Variants in NPHP1 observed in about 807,000 individuals in gnomAD.
NPHP1 encodes the protein nephrocystin-1.
Under a neutral mutation model 90.4 loss-of-function variants are expected in NPHP1, and 70 were observed. That is an observed-to-expected ratio of 0.77 (90% CI 0.64 to 0.95). The LOEUF (loss-of-function observed/expected upper bound fraction) is 0.95. Ranked by LOEUF, NPHP1 falls within the 40% of genes least tolerant of loss-of-function variation. The pLI is 0.00. For missense variants in NPHP1, 764 were observed against 795.9 expected (o/e 0.96, Z 0.48); for synonymous variants, 256 against 271.7 (o/e 0.94, Z 0.57).
intron 16 of NPHP1, among the ~76,000 whole-genome samples, chr2:110,134,634 A>G (rs971574902): frequency 2.0e-5 from 3 of 152,196 alleles, no homozygotes; most frequent in South Asian, 2.1e-4. Flanking sequence ...AAGCTTGTAC[A>G]CCATGACCAA....
At chr2:110,201,549 G>C in intron 1 of NPHP1, 55 bp from the exon 2 acceptor site, 1 of 1,244,536 alleles carries the variant, frequency 8.0e-7, no homozygotes, top group Non-Finnish European at 1.2e-6. Context: ...CCTTAGGAAA[G>C]AAAACTTCTT....
intron 3 of NPHP1, among the ~76,000 whole-genome samples, chr2:110,179,332 A>G (rs1394730831): frequency 2.0e-5 from 3 of 152,188 alleles, no homozygotes; most frequent in African/African-American, 4.8e-5. Flanking sequence ...TCTAAACTGT[A>G]AAACAACTCA....
intron 2 of NPHP1, among the ~76,000 whole-genome samples, chr2:110,199,630 A>C (rs904629034): frequency 3.9e-5 from 6 of 151,918 alleles, no homozygotes; most frequent in Admixed American, 1.3e-4. Context: ...ACATCCCCCC[A>C]AAAAAACATC....
intron 13 of NPHP1, 73 bp downstream of exon 13, chr2:110,147,843 T>G (rs1681174013): frequency 3.4e-6 from 3 of 876,036 alleles, no homozygotes; most frequent in Non-Finnish European, 5.9e-6. Flanking sequence ...AGGATTTCCT[T>G]GTCAATAGAC....
chr2:110,168,611 T>C (rs1682888681), intron 5 of NPHP1, 58 bp from the exon 6 acceptor site: 2 of 1,081,038 alleles, frequency 1.9e-6, no homozygotes, highest in Non-Finnish European at 2.9e-6. Flanking sequence ...TGAGTATATG[T>C]CAATACCAAT....
Position 110,129,301 on chromosome 2 carries a change from C to T in NPHP1, c.1643-42G>A, listed in dbSNP as rs765045649. ...CAGAAAGAATTTTATGCAAACTTCA[C>T]TCAATGGATTTTATTGCAATAGACA... On this transcript the variant is annotated intron_variant, in intron 17 of 19. Coordinates refer to ENST00000445609, the MANE Select transcript of NPHP1 (RefSeq NM_001128178.3). 70 of 1,439,024 alleles carry T rather than the reference C, an allele frequency of 4.9e-5. No homozygotes were observed. The Admixed American group carries it at 9.1e-4, about 19-fold the overall frequency. The allele number at this position is 1,439,024 out of a possible 1,614,324, so 89.1% of individuals were successfully genotyped here. A position where few individuals can be genotyped will look rare whatever the true frequency, so the allele number is the denominator to read the frequency against.
At chr2:110,173,027 T>G (rs1193518644) in intron 4 of NPHP1, among the ~76,000 whole-genome samples, 6 of 151,026 alleles carry the variant, frequency 4.0e-5, no homozygotes, top group Non-Finnish European at 8.9e-5. Context: ...GGTATGATCT[T>G]GGCTCACTGC....
intron 2 of NPHP1, 52 bp downstream of exon 2, chr2:110,201,369 T>A: frequency 8.8e-7 from 1 of 1,137,248 alleles, no homozygotes; most frequent in Non-Finnish European, 1.3e-6. Context: ...ATACTATGCA[T>A]TGAAATGTAA....
rs531145609 is a variant in NPHP1 at position 110,182,948 on chromosome 2, A to G, written c.144-3264T>C. 3.7e-4 allele frequency among the ~76,000 whole-genome samples: 57 copies of G among 152,266 alleles called. 1 individual carries two copies. Among genetic ancestry groups the G allele is most frequent in the African/African-American group, 1.4e-3 (57 of 41,562 alleles). ...AGGTTCAAAATAAAGGGATGGAGGA[A>G]AATTTACCAAGCAAATGGAAAACAG... On this transcript the variant is annotated intron_variant, in intron 2 of 19. Coordinates refer to ENST00000445609, the MANE Select transcript of NPHP1 (RefSeq NM_001128178.3).
intron 11 of NPHP1, among the ~76,000 whole-genome samples, chr2:110,153,059 C>G (rs1681613617): frequency 6.6e-6 from 1 of 151,936 alleles, no homozygotes; most frequent in South Asian, 2.1e-4. Flanking sequence ...ACCTTGAAAA[C>G]AGTAAGAAAC....
At chr2:110,147,432 GC>G (rs1297083707) in intron 13 of NPHP1, among the ~76,000 whole-genome samples, 1 of 152,058 alleles carries the variant, frequency 6.6e-6, no homozygotes, top group Admixed American at 6.5e-5. Flanking sequence ...TACCTATCAA[GC>G]TATTATTAGT....
intron 1 of NPHP1, chr2:110,202,503 C>G (rs948439984): frequency 1.3e-5 from 6 of 445,366 alleles, no homozygotes; most frequent in Non-Finnish European, 1.8e-5. Context: ...GAAGAATTAG[C>G]TAATACTATC....
At chr2:110,131,148 T>C (rs183042675) in intron 17 of NPHP1, among the ~76,000 whole-genome samples, 10 of 152,312 alleles carry the variant, frequency 6.6e-5, no homozygotes, top group Non-Finnish European at 7.4e-5. Context: ...TGGTGACTCA[T>C]TGATTTTTAA....
chr2:110,130,303 C>T (rs554037107), intron 17 of NPHP1, among the ~76,000 whole-genome samples: 1 of 152,266 alleles, frequency 6.6e-6, no homozygotes, highest in Admixed American at 6.5e-5. Context: ...AAAATTCATT[C>T]TTTAGATATT....
At chr2:110,142,063 C>A (rs1559055217) in intron 16 of NPHP1, among the ~76,000 whole-genome samples, 2 of 151,934 alleles carry the variant, frequency 1.3e-5, no homozygotes, top group Middle Eastern at 3.5e-3. Context: ...AGTAATCTCA[C>A]TCCTAGGTAT....
chr2:110,168,411 A>T (rs1271406534), intron 6 of NPHP1, 41 bp downstream of exon 6: 2 of 1,299,356 alleles, frequency 1.5e-6, no homozygotes, highest in Non-Finnish European at 2.2e-6. Flanking sequence ...AAGCGAAAAA[A>T]AAAAAAGTCT....
At chr2:110,124,944 T>C in intron 19 of NPHP1, 1 of 349,340 alleles carries the variant, frequency 2.9e-6, no homozygotes, top group Non-Finnish European at 5.1e-6. Flanking sequence ...ATACTTTAGA[T>C]CAGGACTGGT....
intron 18 of NPHP1, 144 bp downstream of exon 18, chr2:110,129,042 G>C (rs1181557814): frequency 2.9e-6 from 2 of 686,312 alleles, no homozygotes; most frequent in Admixed American, 2.3e-5. Flanking sequence ...GGAAAGATGA[G>C]GACTGAGTTA....
chr2:110,185,318 G>A (rs915080707), intron 2 of NPHP1: 1 of 364,720 alleles, frequency 2.7e-6, no homozygotes, highest in Admixed American at 3.4e-5. Context: ...ACATGCAAGT[G>A]CCATGTGGCC....
Sources: allele counts gnomAD v4.1 joint callset (sites outside exome capture counted in the v4.1 genomes callset), GRCh38; gene constraint gnomAD v4.1.1; transcripts MANE v1.5; gene names NCBI Gene and HGNC (gene_info 2026-07-23, HGNC 2026-07-21).